Variants in NCALD observed in about 807,000 individuals in gnomAD.
The protein encoded by NCALD is neurocalcin delta.
In NCALD, 10 loss-of-function variants were observed where a neutral mutation model predicts 18.6. That is an observed-to-expected ratio of 0.54 (90% CI 0.33 to 0.91). The LOEUF is 0.91. NCALD is among the 40% of genes least tolerant of loss of function. NCALD has a pLI of 0.03. For missense variants in NCALD, 184 were observed against 247.6 expected (o/e 0.74, Z 1.72); for synonymous variants, 88 against 87.4 (o/e 1.01, Z -0.04).
At chr8:101,972,632 T>C (rs1204943113) in intron 2 of NCALD, among the ~76,000 whole-genome samples, 1 of 152,224 alleles carries the variant, frequency 6.6e-6, no homozygotes, top group African/African-American at 2.4e-5. Context: ...GTATCCTCAG[T>C]GCCTGGCACT....
At position 102,108,382 on chromosome 8, in the gene NCALD, C is replaced by G. The variant is rs543220545; in HGVS notation, c.-210+15855G>C. On this transcript the variant is annotated intron_variant, in intron 1 of 6. Transcript: ENST00000311028. ...GCTGAAAAGTGTAGTTATTTAGAAA[C>G]AGAGGACACTGACACTGAAGATCTC... 6.7e-4 allele frequency among the ~76,000 whole-genome samples: 102 copies of G among 152,256 alleles called. No homozygotes were observed. In the South Asian group the frequency reaches 0.015, roughly 23 times the overall value.
At chr8:101,791,646 A>T (rs912681346), upstream of NCALD, among the ~76,000 whole-genome samples, 1 of 152,130 alleles carries the variant, frequency 6.6e-6, no homozygotes, top group African/African-American at 2.4e-5. Flanking sequence ...TAAATTCAGG[A>T]TTCCTGTACT....
intron 1 of NCALD, among the ~76,000 whole-genome samples, chr8:102,065,366 G>A (rs376879655): frequency 6.6e-6 from 1 of 152,208 alleles, no homozygotes; most frequent in Non-Finnish European, 1.5e-5. Context: ...CGGGCAAAGC[G>A]GGGATGTGAA....
intron 2 of NCALD, among the ~76,000 whole-genome samples, chr8:101,917,228 C>T (rs961185534): frequency 1.3e-5 from 2 of 152,086 alleles, no homozygotes; most frequent in Non-Finnish European, 2.9e-5. Context: ...AATTTAACAA[C>T]TTGTTTCTGA....
At chr8:101,765,337 A>T (rs532150700) in intron 1 of NCALD, among the ~76,000 whole-genome samples, 1 of 152,318 alleles carries the variant, frequency 6.6e-6, no homozygotes, top group East Asian at 1.9e-4. Context: ...TTGCTGCATT[A>T]AACTGAGCGG....
chr8:101,770,194 C>T (rs1704077835), intron 1 of NCALD, among the ~76,000 whole-genome samples: 1 of 152,128 alleles, frequency 6.6e-6, no homozygotes, highest in African/African-American at 2.4e-5. Context: ...CTGTGCTCTC[C>T]AACTGGATAC....
chr8:101,743,450 C>T (rs1586374367), intron 1 of NCALD, among the ~76,000 whole-genome samples: 1 of 152,274 alleles, frequency 6.6e-6, no homozygotes, highest in East Asian at 1.9e-4. Flanking sequence ...GGTAGGAGTT[C>T]TCTTCACTAT....
chr8:101,834,117 T>C (rs1465102168), intron 4 of NCALD, among the ~76,000 whole-genome samples: 1 of 152,194 alleles, frequency 6.6e-6, no homozygotes, highest in African/African-American at 2.4e-5. Flanking sequence ...ATTTGTAAAT[T>C]CAGAAATGGC....
At chr8:102,089,517 A>G (rs1279629408) in intron 1 of NCALD, among the ~76,000 whole-genome samples, 1 of 152,186 alleles carries the variant, frequency 6.6e-6, no homozygotes, top group Non-Finnish European at 1.5e-5. Flanking sequence ...TACATATGAA[A>G]GAGCTTTAAT....
At chr8:101,947,144 G>A (rs1348491430) in intron 2 of NCALD, among the ~76,000 whole-genome samples, 1 of 152,156 alleles carries the variant, frequency 6.6e-6, no homozygotes, top group Non-Finnish European at 1.5e-5. Context: ...TCAAAGCAAT[G>A]GCTACTGAGA....
At chr8:101,706,917 C>T (rs1378958013) in intron 2 of NCALD, among the ~76,000 whole-genome samples, 2 of 152,174 alleles carry the variant, frequency 1.3e-5, no homozygotes, top group African/African-American at 4.8e-5. Flanking sequence ...AAACCCAAAA[C>T]ATCCAATAAG....
chr8:101,693,162 G>A (rs1814813677), intron 2 of NCALD: 1 of 334,102 alleles, frequency 3.0e-6, no homozygotes, highest in Non-Finnish European at 5.7e-6. Flanking sequence ...TTTTTTGATT[G>A]TTTTTTGAGA....
At chr8:102,059,610 G>T (rs1225736549) in intron 1 of NCALD, among the ~76,000 whole-genome samples, 1 of 152,156 alleles carries the variant, frequency 6.6e-6, no homozygotes, top group Non-Finnish European at 1.5e-5. Context: ...ATTTTTCTAG[G>T]TTTACAATAC....
chr8:101,878,237 A>G lies in NCALD; in HGVS notation c.-20+8904T>C, dbSNP rs568003711. Among the ~76,000 whole-genome samples the G allele has an allele frequency of 7.2e-5, 11 of 152,396 alleles. No individual in the cohort carries two copies. In the South Asian group the frequency reaches 2.3e-3, roughly 32 times the overall value. ...AGACATTCTTGAACCACTGAAAGTGAGAGCTGTTATGTTCAAACAGCACTG... is the reference window on the plus strand; with the variant it reads ...AGACATTCTTGAACCACTGAAAGTGGGAGCTGTTATGTTCAAACAGCACTG... On this transcript the variant is annotated intron_variant, in intron 4 of 6. Coordinates refer to the NCALD transcript ENST00000311028.
intron 4 of NCALD, among the ~76,000 whole-genome samples, chr8:101,877,158 A>T (rs1002561466): frequency 2.0e-5 from 3 of 152,258 alleles, no homozygotes; most frequent in Non-Finnish European, 2.9e-5. Flanking sequence ...ACAGTTAAAG[A>T]TTTGAAGTAA....
intron 2 of NCALD, among the ~76,000 whole-genome samples, chr8:102,017,689 C>T (rs1366514468): frequency 6.6e-5 from 10 of 152,074 alleles, no homozygotes; most frequent in East Asian, 1.9e-4. Context: ...AGCAAGACTC[C>T]GTCTCAAAAA....
intron 1 of NCALD, among the ~76,000 whole-genome samples, chr8:102,038,327 CAG>C (rs1822939734): frequency 6.6e-6 from 1 of 152,296 alleles, no homozygotes; most frequent in South Asian, 2.1e-4. Context: ...GTCAGCAAGA[CAG>C]AGGCAATAAT....
chr8:101,756,065 T>C (rs1238209478), intron 1 of NCALD, among the ~76,000 whole-genome samples: 1 of 141,374 alleles, frequency 7.1e-6, no homozygotes, highest in Non-Finnish European at 1.5e-5. Context: ...TAAGTTTTTG[T>C]CCATCTCCCT....
intron 1 of NCALD, among the ~76,000 whole-genome samples, chr8:101,728,713 G>A (rs1816682977): frequency 6.6e-6 from 1 of 152,192 alleles, no homozygotes; most frequent in Admixed American, 6.5e-5. Flanking sequence ...CCAGCTCCTT[G>A]GGAGTCTGAG....
Sources: allele counts gnomAD v4.1 joint callset (sites outside exome capture counted in the v4.1 genomes callset), GRCh38; gene constraint gnomAD v4.1.1; transcripts MANE v1.5; gene names NCBI Gene and HGNC (gene_info 2026-07-23, HGNC 2026-07-21).